The following ELMOD1 variants were observed in gnomAD, a reference collection of about 807,000 sequenced individuals.
ELMOD1 encodes ELMO domain-containing protein 1.
ELMOD1 carries 21 observed loss-of-function variants against 46.7 expected under a neutral mutation model. The ratio of observed to expected loss-of-function variants is 0.45; its 90% CI spans 0.32 to 0.65. ELMOD1 has a LOEUF of 0.65. Ranked by LOEUF, ELMOD1 falls within the 30% of genes least tolerant of loss-of-function variation. The probability of loss-of-function intolerance (pLI) is 0.04; values close to 1 mark genes in which losing one functional copy is unlikely to be tolerated. For missense variants in ELMOD1, 348 were observed against 407.8 expected (o/e 0.85, Z 1.26); for synonymous variants, 122 against 138.2 (o/e 0.88, Z 0.82).
At chr11:107,664,227 T>A (rs7102110) in intron 11 of ELMOD1, among the ~76,000 whole-genome samples, 6,753 of 150,198 alleles carry the variant, frequency 0.045, 237 homozygotes, top group African/African-American at 0.099. Context: ...CTTGTAGTAG[T>A]TTACTACCTA....
chr11:107,605,551 T>A (rs1183024167), intron 1 of ELMOD1, among the ~76,000 whole-genome samples: 1 of 152,174 alleles, frequency 6.6e-6, no homozygotes, highest in Non-Finnish European at 1.5e-5. Context: ...GCTGCCTCCA[T>A]GAAAACAGTG....
At chr11:107,616,410 C>T (rs543517229) in intron 1 of ELMOD1, among the ~76,000 whole-genome samples, 10 of 152,154 alleles carry the variant, frequency 6.6e-5, no homozygotes, top group African/African-American at 2.4e-4. Flanking sequence ...GACAGAGTCT[C>T]ACTCCTTCAC....
rs1866115860 is a variant in ELMOD1, at chr11:107,630,454, T to A, written c.55T>A (p.Phe19Ile). 1 of 1,604,004 alleles carries A rather than the reference T, an allele frequency of 6.2e-7. No individual in the cohort carries two copies. Among genetic ancestry groups the A allele is most frequent in the Admixed American group, 1.7e-5 (1 of 58,416 alleles). ...GGTATGCCTGTATTTTTACTGTAAATTTCTGTGGCGCTGCCTGAAATTTGT... is the reference window on the plus strand; with the variant it reads ...GGTATGCCTGTATTTTTACTGTAAAATTCTGTGGCGCTGCCTGAAATTTGT... ...IQVCLYFYCK[F>I]LWRCLKFVMR... is the part of the protein sequence containing the mutation. The change falls in exon 3 of 12, where the codon TTT becomes ATT. Residue 19 changes from phenylalanine (F) to isoleucine (I), a missense_variant. Phe to Ile is a conservative substitution (Grantham distance 21). Transcript: ENST00000265840.
intron 1 of ELMOD1, among the ~76,000 whole-genome samples, chr11:107,599,747 AAAAAGAAAAAAAG>A (rs1865560718): frequency 7.0e-6 from 1 of 142,764 alleles, no homozygotes; most frequent in South Asian, 2.2e-4. Flanking sequence ...TCTCAAAAAA[AAAAAGAAAAAAAG>A]AAAAGAAAAA....
At chr11:107,603,240 A>G (rs1037085116) in intron 1 of ELMOD1, among the ~76,000 whole-genome samples, 2 of 152,230 alleles carry the variant, frequency 1.3e-5, no homozygotes, top group African/African-American at 4.8e-5. Context: ...AACTACTCCT[A>G]TGAAAACTTT....
intron 1 of ELMOD1, among the ~76,000 whole-genome samples, chr11:107,593,941 G>A (rs1865448613): frequency 6.6e-6 from 1 of 152,184 alleles, no homozygotes; most frequent in Non-Finnish European, 1.5e-5. Context: ...TCTGGTTCAA[G>A]CTTTTGAAAA....
intron 1 of ELMOD1, among the ~76,000 whole-genome samples, chr11:107,617,849 G>T (rs1865887667): frequency 6.6e-6 from 1 of 152,136 alleles, no homozygotes; most frequent in Non-Finnish European, 1.5e-5. Flanking sequence ...TAAAGGAAAA[G>T]ACTGATATTG....
intron 2 of ELMOD1, among the ~76,000 whole-genome samples, chr11:107,624,897 T>C (rs1866015293): frequency 6.6e-6 from 1 of 152,184 alleles, no homozygotes; most frequent in Admixed American, 6.5e-5. Context: ...ATGATAGATA[T>C]ATAACCACCA....
intron 1 of ELMOD1, among the ~76,000 whole-genome samples, chr11:107,597,202 C>T (rs1442916218): frequency 6.6e-6 from 1 of 152,110 alleles, no homozygotes; most frequent in African/African-American, 2.4e-5. Context: ...GGATGACAAT[C>T]AGGATTAAAT....
At position 107,601,014 on chromosome 11, in the gene ELMOD1, A is replaced by C. The variant is rs138329642; in HGVS notation, c.-86+9605A>C. 8.2e-3 allele frequency: 1,243 copies of C among 152,272 alleles called. 16 individuals carry two copies. The highest frequency in any genetic ancestry group is 0.028 in the African/African-American group (1,181 of 41,552). 9.4% of individuals were successfully genotyped at this position (152,272 alleles called of 1,614,324 possible). A position where few individuals can be genotyped will look rare whatever the true frequency, so the allele number is the denominator to read the frequency against. On this transcript the variant is annotated intron_variant, in intron 1 of 11. Coordinates refer to ENST00000265840, the MANE Select transcript of ELMOD1 (RefSeq NM_018712.4). ...AAAATGTAAGTTTTTGTGTATATCA[A>C]AGGAACACTTACACATCATTTAAAA...
intron 1 of ELMOD1, among the ~76,000 whole-genome samples, chr11:107,599,515 G>T (rs924166242): frequency 6.6e-6 from 1 of 152,040 alleles, no homozygotes; most frequent in African/African-American, 2.4e-5. Context: ...GCTGAGGCAG[G>T]TGGATCACTT....
intron 2 of ELMOD1, among the ~76,000 whole-genome samples, chr11:107,619,437 G>A (rs986484382): frequency 2.6e-5 from 4 of 152,100 alleles, no homozygotes; most frequent in Non-Finnish European, 5.9e-5. Flanking sequence ...TGGCATTTGT[G>A]CACACCTCCT....
chr11:107,649,726 T>G (rs1237940176), intron 7 of ELMOD1, among the ~76,000 whole-genome samples: 1 of 152,228 alleles, frequency 6.6e-6, no homozygotes, highest in African/African-American at 2.4e-5. Flanking sequence ...TTAAATAATA[T>G]ATGCTATTGT....
At chr11:107,643,576 T>G (rs1046421278) in intron 6 of ELMOD1, 27 of 521,628 alleles carry the variant, frequency 5.2e-5, no homozygotes, top group Non-Finnish European at 9.0e-5. Flanking sequence ...GAAAACTCCA[T>G]TGTTCAGTTG....
intron 1 of ELMOD1, among the ~76,000 whole-genome samples, chr11:107,611,208 T>C (rs1865775216): frequency 1.3e-5 from 2 of 152,106 alleles, no homozygotes; most frequent in Non-Finnish European, 2.9e-5. Flanking sequence ...TCACAAACTA[T>C]GCATCTGACA....
intron 1 of ELMOD1, among the ~76,000 whole-genome samples, chr11:107,604,837 A>C (rs1865660349): frequency 6.6e-6 from 1 of 152,216 alleles, no homozygotes; most frequent in Non-Finnish European, 1.5e-5. Flanking sequence ...CTGCACAGTC[A>C]GGGTTAGCAT....
Position 107,666,704 on chromosome 11 carries a change from CTTAT to C in ELMOD1, c.*1511_*1514del, listed in dbSNP as rs910932781. 6 of 152,500 alleles carry C rather than the reference CTTAT, an allele frequency of 3.9e-5. No individual in the cohort carries two copies. The highest frequency in any genetic ancestry group is 7.4e-5 in the Non-Finnish European group (5 of 68,010). The allele number at this position is 152,500 out of a possible 1,614,324, so 9.4% of individuals were successfully genotyped here. ...TATTAGATGTTTGTGTAACCACTTG[CTTAT>C]TTAAATGAATTTTGAGTACTGCCTA... On this transcript the variant is annotated 3_prime_UTR_variant, in exon 12 of 12. Transcript: ENST00000265840.
chr11:107,645,333 T>C (rs1866409913), intron 6 of ELMOD1, among the ~76,000 whole-genome samples: 1 of 151,996 alleles, frequency 6.6e-6, no homozygotes, highest in Admixed American at 6.5e-5. Flanking sequence ...TTTTGTTTTT[T>C]GTTTTTTTTA....
At position 107,665,246 on chromosome 11, in the gene ELMOD1, T is replaced by C. The variant is rs2135723261; in HGVS notation, c.*49T>C. 1 of 1,579,784 alleles carries C rather than the reference T, an allele frequency of 6.3e-7. No homozygotes were observed. The highest frequency in any genetic ancestry group is 2.2e-5 in the East Asian group (1 of 44,570). On this transcript the variant is annotated 3_prime_UTR_variant, in exon 12 of 12. Transcript: ENST00000265840. ...TACCCTGGAACACTGCCTCATTGTC[T>C]TGTTAGATCTCTGCTTAGGTCGCAG...
Sources: gnomAD v4.1 joint callset for allele counts (sites outside exome capture counted in the v4.1 genomes callset) on GRCh38, gnomAD v4.1.1 for gene constraint, MANE v1.5 for transcripts, NCBI Gene and HGNC (gene_info 2026-07-23, HGNC 2026-07-21) for gene names.